Variants in SYTL1 observed in about 807,000 individuals in gnomAD.
SYTL1 encodes the protein synaptotagmin like 1.
SYTL1 carries 53 observed loss-of-function variants against 74.6 expected under a neutral mutation model. That is an observed-to-expected ratio of 0.71 (90% CI 0.57 to 0.89). The LOEUF (loss-of-function observed/expected upper bound fraction) is 0.89. Among genes scored for constraint, SYTL1 ranks in the 40% least tolerant of loss-of-function variants. SYTL1 has a pLI of 0.00. For synonymous variants in SYTL1, 329 were observed against 324.9 expected (o/e 1.01, Z -0.14); for missense variants, 728 against 768.7 (o/e 0.95, Z 0.63).
At chr1:27,353,006 G>A (rs1434958835) in intron 13 of SYTL1, 10 of 424,698 alleles carry the variant, frequency 2.4e-5, no homozygotes, top group South Asian at 7.6e-5. Context: ...GGCTGGTCTC[G>A]AACTTCTGAC....
In SYTL1 at chr1:27,350,002, G is replaced by T; in HGVS notation, c.778G>T (p.Asp260Tyr). The change falls in exon 9 of 15, where the codon GAC becomes TAC. Residue 260 changes from aspartate (D) to tyrosine (Y), a missense_variant. Physicochemically the swap from Asp to Tyr is radical, Grantham distance 160. Coordinates refer to ENST00000616558, the MANE Select transcript of SYTL1 (RefSeq NM_001193308.2). This position sits in a 1 kb window ranked among gnomAD's most constrained non-coding sequence, Gnocchi z 6.3. ...LSGSQMSLSG[D>Y]AEAVQVRGSV... is the part of the protein sequence containing the mutation. ...CGGCAGCCAGATGAGCCTGTCAGGC[G>T]ACGCGGAGGCGGTGCAGGTCCGCGG... 1 of 1,566,478 alleles carries T rather than the reference G, an allele frequency of 6.4e-7. No homozygotes were observed. The highest frequency in any genetic ancestry group is 8.6e-7 in the Non-Finnish European group (1 of 1,165,482).
Position 27,349,143 on chromosome 1 carries a change from G to C in SYTL1, c.523G>C (p.Ala175Pro), listed in dbSNP as rs921898345. 1 of 1,613,732 alleles carries C rather than the reference G, an allele frequency of 6.2e-7. No individual in the cohort carries two copies. The highest frequency in any genetic ancestry group is 2.2e-5 in the East Asian group (1 of 44,850). Residue 175 changes from alanine to proline, a missense_variant, in exon 6 of 15, where the codon GCC becomes CCC. Transcript: ENST00000616558. Reference protein sequence around the residue: ...KASDPEEASQAQEDPGQGDQQ... With the variant: ...KASDPEEASQPQEDPGQGDQQ... Reference sequence around the variant, plus strand: ...TTCAGATCCTGAGGAGGCGTCCCAGGCCCAGGAAGGTGAGTGGGAGCGCCT... The same window carrying C: ...TTCAGATCCTGAGGAGGCGTCCCAGCCCCAGGAAGGTGAGTGGGAGCGCCT...
rs1167593062 is a variant in SYTL1, at chr1:27,351,737, G to A, written c.1343+182G>A. 1 of 519,474 alleles carries A rather than the reference G, an allele frequency of 1.9e-6. No homozygotes were observed. The highest frequency in any genetic ancestry group is 3.4e-6 in the Non-Finnish European group (1 of 296,740). The allele number at this position is 519,474 out of a possible 1,614,324, so 32.2% of individuals were successfully genotyped here. On this transcript the variant is annotated intron_variant, in intron 13 of 14. Coordinates refer to ENST00000616558, the MANE Select transcript of SYTL1 (RefSeq NM_001193308.2). This position sits in a 1 kb window ranked among gnomAD's most constrained non-coding sequence, Gnocchi z 5.0. ...GGGAAGTTGAGGACACCTTTGAGGA[G>A]CTGCATTTCAGCGTGACTGGCGCCT... is the stretch of plus-strand genomic sequence containing the variant.
Position 27,347,585 on chromosome 1 carries a change from C to A in SYTL1, c.340+16C>A. On this transcript the variant is annotated intron_variant, in intron 3 of 14. Transcript: ENST00000616558. This position sits in a 1 kb window ranked among gnomAD's most constrained non-coding sequence, Gnocchi z 4.9. ...AGCACCAGGGGTGAGAGGAGATCCT[C>A]GGGGCAGGGCAAGCCATGTGCCGTC... The A allele has an allele frequency of 6.2e-7, 1 of 1,612,474 alleles. No individual in the cohort carries two copies. Among genetic ancestry groups the A allele is most frequent in the Non-Finnish European group, 8.5e-7 (1 of 1,179,278 alleles).
Position 27,351,011 on chromosome 1 carries a change from C to A in SYTL1, c.1164+59C>A. The A allele has an allele frequency of 6.3e-7, 1 of 1,583,906 alleles. No homozygotes were observed. Among genetic ancestry groups the A allele is most frequent in the Non-Finnish European group, 8.6e-7 (1 of 1,160,890 alleles). On this transcript the variant is annotated intron_variant, in intron 11 of 14. Coordinates refer to ENST00000616558, the MANE Select transcript of SYTL1 (RefSeq NM_001193308.2). The surrounding 1 kb of genome is among the most constrained non-coding windows in gnomAD (Gnocchi z 5.0). Reference sequence around the variant, plus strand: ...GCCCGGGTCTCCTGCATTTACCCCACCAGGCTCTCCCGCAGCCCCCTCACA... The same window carrying A: ...GCCCGGGTCTCCTGCATTTACCCCAACAGGCTCTCCCGCAGCCCCCTCACA...
At chr1:27,352,700 A>G (rs2015325617) in intron 13 of SYTL1, 1 of 153,314 alleles carries the variant, frequency 6.5e-6, no homozygotes, top group South Asian at 2.0e-4. Context: ...CATGTTAACC[A>G]GGATGGTCTC....
In SYTL1 at chr1:27,350,247, G is replaced by A; in HGVS notation, c.908+115G>A. 1.3e-6 allele frequency: 2 copies of A among 1,485,886 alleles called. No homozygotes were observed. The highest frequency in any genetic ancestry group is 1.9e-6 in the Non-Finnish European group (2 of 1,075,728). The allele number at this position is 1,485,886 out of a possible 1,614,324, so 92.0% of individuals were successfully genotyped here. The stretch of plus-strand genomic sequence containing the variant: ...ATGGGAACAACAGCGTTATTGGGAG[G>A]CGTGCGATTAAGCGAGACAATCCCT... On this transcript the variant is annotated intron_variant, in intron 9 of 14. Transcript: ENST00000616558. The surrounding 1 kb of genome is among the most constrained non-coding windows in gnomAD (Gnocchi z 6.3).
rs1348627946 is a variant in SYTL1 at position 27,343,468 on chromosome 1, G to T, written c.-39+1318G>T. On this transcript the variant is annotated intron_variant, in intron 1 of 14. Transcript: ENST00000616558. This position sits in a 1 kb window ranked among gnomAD's most constrained non-coding sequence, Gnocchi z 5.2. ...GCAGTTACCTCAGGAGAGGAAGTTGGGGGTGTGGGCTGAGGAGGAGGTTGC... is the reference window on the plus strand; with the variant it reads ...GCAGTTACCTCAGGAGAGGAAGTTGTGGGTGTGGGCTGAGGAGGAGGTTGC... 1.3e-5 allele frequency among the ~76,000 whole-genome samples: 2 copies of T among 152,054 alleles called. No homozygotes were observed. Among genetic ancestry groups the T allele is most frequent in the Non-Finnish European group, 2.9e-5 (2 of 68,028 alleles).
In SYTL1 at chr1:27,345,230, G is replaced by A; in HGVS notation, c.-38-67G>A. On this transcript the variant is annotated intron_variant, in intron 1 of 14. Coordinates refer to ENST00000616558, the MANE Select transcript of SYTL1 (RefSeq NM_001193308.2). This position sits in a 1 kb window ranked among gnomAD's most constrained non-coding sequence, Gnocchi z 6.0. ...CCGGCCAAGTGTTTGGGGAGAAAAG[G>A]GCTGTTGGTTCTAGGATGTGCCAAG... The A allele has an allele frequency of 1.2e-6, 1 of 864,924 alleles. No homozygotes were observed. The highest frequency in any genetic ancestry group is 1.7e-6 in the Non-Finnish European group (1 of 594,912). The allele number at this position is 864,924 out of a possible 1,614,324, so 53.6% of individuals were successfully genotyped here.
rs751552346 is a variant in SYTL1, at chr1:27,349,496, C to G, written c.631C>G (p.Gln211Glu). Reference protein sequence around the residue: ...GEQEPRPQQAQTKAASQILEN... With the variant: ...GEQEPRPQQAETKAASQILEN... Reference sequence around the variant, plus strand: ...GCAGGAGCCGCGGCCCCAGCAAGCCCAGGTAGGCGGGAGTGGCCCGTGGCT... The same window carrying G: ...GCAGGAGCCGCGGCCCCAGCAAGCCGAGGTAGGCGGGAGTGGCCCGTGGCT... Residue 211 changes from glutamine (Q) to glutamate (E), a missense_variant and splice_region_variant, in exon 7 of 15, where the codon CAG (glutamine) becomes GAG (glutamate). Physicochemically the swap from Gln to Glu is conservative, Grantham distance 29. Coordinates refer to ENST00000616558, the MANE Select transcript of SYTL1 (RefSeq NM_001193308.2). 6.9e-7 allele frequency: 1 copy of G among 1,454,986 alleles called. No individual in the cohort carries two copies. Among genetic ancestry groups the G allele is most frequent in the South Asian group, 1.5e-5 (1 of 68,532 alleles). The allele number at this position is 1,454,986 out of a possible 1,614,324, so 90.1% of individuals were successfully genotyped here. A position where few individuals can be genotyped will look rare whatever the true frequency, so the allele number is the denominator to read the frequency against.
At position 27,342,855 on chromosome 1, in the gene SYTL1, G is replaced by A. The variant is rs1025316795; in HGVS notation, c.-39+705G>A. ...CCCCAATCCACAGGGGAGGCCGAAC[G>A]TGGGCTCACACCCCAATCCACAGGG... On this transcript the variant is annotated intron_variant, in intron 1 of 14. Coordinates refer to ENST00000616558, the MANE Select transcript of SYTL1 (RefSeq NM_001193308.2). This position sits in a 1 kb window ranked among gnomAD's most constrained non-coding sequence, Gnocchi z 4.7. Among the ~76,000 whole-genome samples, 1 of 152,112 alleles carries A rather than the reference G, an allele frequency of 6.6e-6. No individual in the cohort carries two copies. The highest frequency in any genetic ancestry group is 1.5e-5 in the Non-Finnish European group (1 of 68,004).
At position 27,350,317 on chromosome 1, in the gene SYTL1, C is replaced by A. The variant is rs1249444229; in HGVS notation, c.909-72C>A. The A allele has an allele frequency of 6.6e-7, 1 of 1,520,568 alleles. No individual in the cohort carries two copies. Among genetic ancestry groups the A allele is most frequent in the Non-Finnish European group, 9.1e-7 (1 of 1,094,810 alleles). The allele number at this position is 1,520,568 out of a possible 1,614,324, so 94.2% of individuals were successfully genotyped here. A position where few individuals can be genotyped will look rare whatever the true frequency, so the allele number is the denominator to read the frequency against. ...GCCTGGCACGTGTTCGGGATGGTGG[C>A]TGGGGGAGCCCACAGGCAGGGGAGA... is the stretch of plus-strand genomic sequence containing the variant. On this transcript the variant is annotated intron_variant, in intron 9 of 14. Transcript: ENST00000616558. This position sits in a 1 kb window ranked among gnomAD's most constrained non-coding sequence, Gnocchi z 6.3.
At position 27,347,716 on chromosome 1, in the gene SYTL1, A is replaced by ATGGCCCCTCGGGGGGC; in HGVS notation, c.341-89_341-88insCCCCTCGGGGGGCTGG. ...CAGTGGGCAATGCCCCTCCGTGGGC[A>ATGGCCCCTCGGGGGGC]TGGGGTGGGTGGGTATCTCCCAGGG... On this transcript the variant is annotated intron_variant, in intron 3 of 14. Transcript: ENST00000616558. This position sits in a 1 kb window ranked among gnomAD's most constrained non-coding sequence, Gnocchi z 4.9. The ATGGCCCCTCGGGGGGC allele has an allele frequency of 1.7e-6, 1 of 595,026 alleles. No individual in the cohort carries two copies. Among genetic ancestry groups the ATGGCCCCTCGGGGGGC allele is most frequent in the Non-Finnish European group, 3.0e-6 (1 of 338,356 alleles). The allele number at this position is 595,026 out of a possible 1,614,324, so 36.9% of individuals were successfully genotyped here.
At chr1:27,352,522 T>G (rs894307126) in intron 13 of SYTL1, 1 of 151,964 alleles carries the variant, frequency 6.6e-6, no homozygotes, top group Non-Finnish European at 1.5e-5. Flanking sequence ...GGAGTCTCGC[T>G]CTGTTGCCCA....
intron 1 of SYTL1, among the ~76,000 whole-genome samples, chr1:27,344,578 G>C (rs868193410): frequency 6.7e-6 from 1 of 149,468 alleles, no homozygotes; most frequent in Non-Finnish European, 1.5e-5. Context: ...AGGGCCGGGC[G>C]TGGTGGCTCA....
Position 27,351,512 on chromosome 1 carries a change from C to T in SYTL1, c.1300C>T (p.Leu434Phe). 2 of 1,549,124 alleles carry T rather than the reference C, an allele frequency of 1.3e-6. No homozygotes were observed. The highest frequency in any genetic ancestry group is 1.7e-6 in the Non-Finnish European group (2 of 1,146,212). The part of the protein sequence containing the change: ...LHFWVKEARD[L>F]LPLRAGSLDT... The stretch of plus-strand genomic sequence containing the variant: ...CTTCTGGGTGAAGGAGGCTCGGGAC[C>T]TCCTGCCGCTGCGGGCAGGATCCCT... The change falls in exon 13 of 15, where the codon CTC becomes TTC. Residue 434 changes from leucine (L) to phenylalanine (F), a missense_variant. Physicochemically the swap from Leu to Phe is conservative, Grantham distance 22 (BLOSUM62 0). Transcript: ENST00000616558. The surrounding 1 kb of genome is among the most constrained non-coding windows in gnomAD (Gnocchi z 5.0).
chr1:27,343,591 T>C lies in SYTL1; in HGVS notation c.-39+1441T>C, dbSNP rs1265499462. The stretch of plus-strand genomic sequence containing the variant: ...CCTGGTGCGGGGGAGTGAGCAGATG[T>C]GTGTGTGTGTACGTGTGTGTGTGTG... On this transcript the variant is annotated intron_variant, in intron 1 of 14. Transcript: ENST00000616558. This position sits in a 1 kb window ranked among gnomAD's most constrained non-coding sequence, Gnocchi z 5.2. 6.6e-6 allele frequency among the ~76,000 whole-genome samples: 1 copy of C among 150,748 alleles called. No homozygotes were observed. Among genetic ancestry groups the C allele is most frequent in the Non-Finnish European group, 1.5e-5 (1 of 67,574 alleles).
rs1557545908 is a variant in SYTL1, at chr1:27,351,259, T to A, written c.1166T>A (p.Val389Asp). Residue 389 changes from valine (V) to aspartate (D), a missense_variant and splice_region_variant, in exon 12 of 15, where the codon GTC (valine) becomes GAC (aspartate). By Grantham distance (152) the Val-to-Asp change is radical. Coordinates refer to ENST00000616558, the MANE Select transcript of SYTL1 (RefSeq NM_001193308.2). The surrounding 1 kb of genome is among the most constrained non-coding windows in gnomAD (Gnocchi z 5.0). ...CCACGATAAGCCCGCCTCTCGCAGG[T>A]CCCACCCTCTCCCGACGACCTTCCG... is the stretch of plus-strand genomic sequence containing the variant. ...EPTWLPLQPRVPPSPDDLPSR... is the reference protein window; with the variant it reads ...EPTWLPLQPRDPPSPDDLPSR... 3 of 1,557,212 alleles carry A rather than the reference T, an allele frequency of 1.9e-6. No homozygotes were observed. The South Asian group carries it at 3.6e-5, about 18-fold the overall frequency.
At position 27,353,863 on chromosome 1, in the gene SYTL1, C is replaced by T; in HGVS notation, c.*11C>T. The stretch of plus-strand genomic sequence containing the variant: ...GCCCCCAGGACGTAGCCCCACCAAG[C>T]CTCTCTCTCTGGACCCCCATCTCAG... On this transcript the variant is annotated 3_prime_UTR_variant, in exon 15 of 15. Transcript: ENST00000616558. The T allele has an allele frequency of 6.2e-7, 1 of 1,610,542 alleles. No individual in the cohort carries two copies. Among genetic ancestry groups the T allele is most frequent in the African/African-American group, 1.3e-5 (1 of 74,984 alleles).
Sources: gnomAD v4.1 joint callset for allele counts (sites outside exome capture counted in the v4.1 genomes callset) on GRCh38, gnomAD v4.1.1 for gene constraint, Gnocchi (gnomAD v3.1) non-coding constraint, MANE v1.5 for transcripts, NCBI Gene and HGNC (gene_info 2026-07-23, HGNC 2026-07-21) for gene names.